COL24A1: variants seen among roughly 807,000 people sequenced by gnomAD.
COL24A1 encodes collagen type XXIV alpha 1 chain, also known as collagen alpha-1(XXIV) chain.
COL24A1 carries 224 observed loss-of-function variants against 253.9 expected under a neutral mutation model. That is an observed-to-expected ratio of 0.88 (90% confidence interval 0.79 to 0.99). The LOEUF is 0.99. Among genes scored for constraint, COL24A1 ranks in the 50% least tolerant of loss-of-function variants. COL24A1 has a pLI of 0.00. For synonymous variants in COL24A1, 685 were observed against 673.7 expected, an observed-to-expected ratio of 1.02 and a Z score of -0.26; for missense variants, 2,131 against 2,068.5, an observed-to-expected ratio of 1.03 and a Z score of -0.59.
chr1:86,114,290 G>A (rs1705910251), intron 4 of COL24A1, among the ~76,000 whole-genome samples: 1 of 152,162 alleles, frequency 6.6e-6, no homozygotes, highest in Admixed American at 6.5e-5. Flanking sequence ...AAGTGAATTA[G>A]GGAAGATAAA....
At chr1:85,754,539 A>AT (rs1261330585) in intron 55 of COL24A1, among the ~76,000 whole-genome samples, 3 of 88,360 alleles carry the variant, frequency 3.4e-5, no homozygotes. Flanking sequence ...GAGTATAATA[A>AT]AAAAAAAAAT....
intron 20 of COL24A1, among the ~76,000 whole-genome samples, chr1:85,973,239 T>C (rs996130046): frequency 6.6e-6 from 1 of 151,438 alleles, no homozygotes; most frequent in Non-Finnish European, 1.5e-5. Flanking sequence ...ATTAATTTTC[T>C]ACTATGTATA....
chr1:85,784,912 G>T (rs1353465832), intron 48 of COL24A1, among the ~76,000 whole-genome samples: 8 of 151,632 alleles, frequency 5.3e-5, no homozygotes, highest in Admixed American at 5.3e-4. Flanking sequence ...CTATTTTTTT[G>T]TAGAGACAGG....
At chr1:86,047,106 T>C (rs879655157) in intron 11 of COL24A1, among the ~76,000 whole-genome samples, 1 of 152,196 alleles carries the variant, frequency 6.6e-6, no homozygotes, top group Non-Finnish European at 1.5e-5. Flanking sequence ...TACTTCCAAA[T>C]GGGATCTTGA....
Position 85,744,681 on chromosome 1 carries a change from G to A in COL24A1, c.4657C>T (p.Gln1553Ter). The A allele has an allele frequency of 6.2e-7, 1 of 1,605,108 alleles. No homozygotes were observed. Among genetic ancestry groups the A allele is most frequent in the South Asian group, 1.1e-5 (1 of 89,328 alleles). ...RICKDLLNCE[Q>*]KVSDGKYWID... ...AAGAACTTACCATCTGATACTTTTT[G>A]TTCACAGTTAAGTAAATCTTTGCAG... Residue 1553 changes from glutamine to a stop codon, truncating the protein, a stop_gained, in exon 57 of 60, where the codon CAA (glutamine) becomes TAA (stop). Coordinates refer to ENST00000370571, the MANE Select transcript of COL24A1 (RefSeq NM_152890.7). LOFTEE classifies it high-confidence loss of function.
At chr1:86,044,048 C>G (rs578001629) in intron 12 of COL24A1, among the ~76,000 whole-genome samples, 2 of 152,132 alleles carry the variant, frequency 1.3e-5, no homozygotes, top group South Asian at 4.1e-4. Flanking sequence ...AATAAATTAC[C>G]AGGAGAACAT....
intron 1 of COL24A1, chr1:86,154,751 CG>C (rs1169592603): frequency 6.5e-6 from 1 of 152,892 alleles, no homozygotes; most frequent in Non-Finnish European, 1.5e-5. Context: ...GCGTGGGCCT[CG>C]CGCGGTGGCA....
At chr1:86,045,723 G>A (rs778704369) in intron 12 of COL24A1, 10 of 322,522 alleles carry the variant, frequency 3.1e-5, no homozygotes, top group East Asian at 7.9e-5. Flanking sequence ...TAGCTTCTAC[G>A]TTCAATGTAA....
intron 28 of COL24A1, among the ~76,000 whole-genome samples, chr1:85,904,133 A>G (rs1381824371): frequency 3.3e-5 from 5 of 152,172 alleles, no homozygotes; most frequent in African/African-American, 7.2e-5. Flanking sequence ...AACATTACAT[A>G]TTTTTAATAG....
chr1:85,791,200 T>C (rs1670235977), intron 47 of COL24A1, among the ~76,000 whole-genome samples: 1 of 152,214 alleles, frequency 6.6e-6, no homozygotes, highest in South Asian at 2.1e-4. Context: ...CTGTTGGTTC[T>C]TGATGAGTCA....
intron 37 of COL24A1, among the ~76,000 whole-genome samples, chr1:85,863,322 T>C (rs1189405509): frequency 6.6e-6 from 1 of 152,196 alleles, no homozygotes; most frequent in African/African-American, 2.4e-5. Flanking sequence ...TTCTCCTGCC[T>C]GATTGCCCTG....
rs193217252 is a variant in COL24A1 at position 85,962,758 on chromosome 1, T to A, written c.2518-1465A>T. On this transcript the variant is annotated intron_variant, in intron 23 of 59. Coordinates refer to ENST00000370571, the MANE Select transcript of COL24A1 (RefSeq NM_152890.7). ...ATACATTTAGTGTACAGAAACAGAT[T>A]AAATATGTTATGTCTAAAAGTAATC... Among the ~76,000 whole-genome samples, 311 of 152,244 alleles carry A rather than the reference T, an allele frequency of 2.0e-3. 10 individuals carry two copies. In the South Asian group the frequency reaches 0.052, roughly 26 times the overall value.
chr1:85,993,248 T>C (rs946032256), intron 19 of COL24A1, among the ~76,000 whole-genome samples: 17 of 152,138 alleles, frequency 1.1e-4, no homozygotes, highest in Admixed American at 1.0e-3. Flanking sequence ...TTGAGCACTT[T>C]AATAGTTTTC....
intron 32 of COL24A1, among the ~76,000 whole-genome samples, chr1:85,881,581 C>A (rs534965632): frequency 6.6e-6 from 1 of 152,014 alleles, no homozygotes; most frequent in South Asian, 2.1e-4. Flanking sequence ...GCTGAGATCA[C>A]GCCACTGCAT....
At chr1:85,952,521 T>C in intron 24 of COL24A1, among the ~76,000 whole-genome samples, 1 of 152,230 alleles carries the variant, frequency 6.6e-6, no homozygotes, top group Non-Finnish European at 1.5e-5. Context: ...GTTTAATGTT[T>C]CTTAATGATA....
intron 58 of COL24A1, among the ~76,000 whole-genome samples, chr1:85,735,203 C>T (rs1663920274): frequency 6.6e-6 from 1 of 152,150 alleles, no homozygotes; most frequent in African/African-American, 2.4e-5. Flanking sequence ...GCTGGGATTA[C>T]AGGCATGGCT....
chr1:85,864,218 C>A (rs1490364476), intron 37 of COL24A1, among the ~76,000 whole-genome samples: 1 of 152,056 alleles, frequency 6.6e-6, no homozygotes, highest in South Asian at 2.1e-4. Flanking sequence ...TACTATGCAG[C>A]CATAAAAAAG....
At chr1:86,103,791 CT>C (rs1008047320) in intron 5 of COL24A1, among the ~76,000 whole-genome samples, 1 of 152,174 alleles carries the variant, frequency 6.6e-6, no homozygotes, top group African/African-American at 2.4e-5. Flanking sequence ...GTGACCTGAC[CT>C]TTCTCTCTAG....
intron 5 of COL24A1, among the ~76,000 whole-genome samples, chr1:86,107,009 T>C (rs1277263482): frequency 6.6e-6 from 1 of 152,232 alleles, no homozygotes; most frequent in Non-Finnish European, 1.5e-5. Context: ...ACTATCATTA[T>C]CCACGGGATA....
Sources: gnomAD v4.1 joint callset for allele counts (sites outside exome capture counted in the v4.1 genomes callset) on GRCh38, gnomAD v4.1.1 for gene constraint, MANE v1.5 for transcripts, NCBI Gene and HGNC (gene_info 2026-07-23, HGNC 2026-07-21) for gene names.